RAD21L1: variants seen among roughly 807,000 people sequenced by gnomAD.
The protein encoded by RAD21L1 is double-strand-break repair protein rad21-like protein 1.
Under a neutral mutation model 69.0 loss-of-function variants are expected in RAD21L1, and 47 were observed. The ratio of observed to expected loss-of-function variants is 0.68; its 90% CI spans 0.54 to 0.87. The LOEUF is 0.87. RAD21L1 is among the 40% of genes least tolerant of loss of function. RAD21L1 has a pLI of 0.00. For synonymous variants in RAD21L1, 177 were observed against 205.8 expected, an observed-to-expected ratio of 0.86 and a Z score of 1.20; for missense variants, 583 against 647.6, an observed-to-expected ratio of 0.90 and a Z score of 1.08.
At chr20:1,252,845 T>C (rs1297612661) in intron 13 of RAD21L1, among the ~76,000 whole-genome samples, 1 of 152,238 alleles carries the variant, frequency 6.6e-6, no homozygotes, top group African/African-American at 2.4e-5. Flanking sequence ...GTCTCTACTC[T>C]ACTAAGTCAG....
chr20:1,242,556 G>A, intron 8 of RAD21L1, 63 bp from the exon 9 acceptor site: 2 of 1,250,808 alleles, frequency 1.6e-6, no homozygotes, highest in Non-Finnish European at 2.3e-6. Context: ...AGTATTTAGT[G>A]CCTACAATAT....
chr20:1,254,291 A>G lies in RAD21L1; in HGVS notation c.1502A>G (p.Gln501Arg), dbSNP rs1383167624. ...RLRESNKMGM[Q>R]SFSLMKLCRN... ...CAGGAATCTAACAAGATGGGAATGCAGTCCTTTAGTCTGATGAAGCTCTGT... is the reference window on the plus strand; with the variant it reads ...CAGGAATCTAACAAGATGGGAATGCGGTCCTTTAGTCTGATGAAGCTCTGT... Residue 501 changes from glutamine to arginine, a missense_variant, in exon 14 of 14, where the codon CAG (glutamine) becomes CGG (arginine). Physicochemically the swap from Gln to Arg is conservative, Grantham distance 43. Coordinates refer to ENST00000683101, the MANE Select transcript of RAD21L1 (RefSeq NM_001384355.1). 2 of 1,528,072 alleles carry G rather than the reference A, an allele frequency of 1.3e-6. No homozygotes were observed. Among genetic ancestry groups the G allele is most frequent in the African/African-American group, 1.4e-5 (1 of 72,308 alleles). 94.7% of individuals were successfully genotyped at this position (1,528,072 alleles called of 1,614,324 possible). A position where few individuals can be genotyped will look rare whatever the true frequency, so the allele number is the denominator to read the frequency against.
At chr20:1,240,044 C>T (rs1300483223) in intron 7 of RAD21L1, among the ~76,000 whole-genome samples, 4 of 152,074 alleles carry the variant, frequency 2.6e-5, no homozygotes, top group Non-Finnish European at 5.9e-5. Context: ...GTTGCTGCCA[C>T]TGTTTTCACA....
At chr20:1,241,857 C>T (rs1161473372) in intron 8 of RAD21L1, among the ~76,000 whole-genome samples, 9 of 152,226 alleles carry the variant, frequency 5.9e-5, no homozygotes, top group Non-Finnish European at 8.8e-5. Context: ...TCCCCTTTTA[C>T]AGCTTTACTA....
Position 1,226,093 on chromosome 20 carries a change from C to A in RAD21L1, c.-80C>A, listed in dbSNP as rs897274078. ...CCCGGCCAAGCTGACTTGGCGACTC[C>A]TCGCAGCCCCTGCTCTGGCACGCCA... On this transcript the variant is annotated 5_prime_UTR_variant, in exon 1 of 14. Transcript: ENST00000683101. 7 of 136,680 alleles carry A rather than the reference C, an allele frequency of 5.1e-5. No homozygotes were observed. Among genetic ancestry groups the A allele is most frequent in the Non-Finnish European group, 1.1e-4 (7 of 64,132 alleles). 8.5% of individuals were successfully genotyped at this position (136,680 alleles called of 1,614,324 possible).
chr20:1,237,745 A>G (rs1378569853), intron 5 of RAD21L1, among the ~76,000 whole-genome samples: 2 of 152,204 alleles, frequency 1.3e-5, no homozygotes, highest in African/African-American at 4.8e-5. Flanking sequence ...AAAATAGAAT[A>G]AATTATTTTC....
At position 1,254,298 on chromosome 20, in the gene RAD21L1, T is replaced by G. The variant is rs2087893083; in HGVS notation, c.1509T>G (p.Phe503Leu). 2 of 1,548,720 alleles carry G rather than the reference T, an allele frequency of 1.3e-6. No homozygotes were observed. The highest frequency in any genetic ancestry group is 1.7e-6 in the Non-Finnish European group (2 of 1,145,474). ...RESNKMGMQS[F>L]SLMKLCRNSD... is the part of the protein sequence containing the mutation. ...CTAACAAGATGGGAATGCAGTCCTT[T>G]AGTCTGATGAAGCTCTGTAGAAATA... Residue 503 changes from phenylalanine to leucine, a missense_variant, in exon 14 of 14, where the codon TTT becomes TTG. Transcript: ENST00000683101.
intron 1 of RAD21L1, among the ~76,000 whole-genome samples, 182 bp from the exon 2 acceptor site, chr20:1,228,240 T>G (rs1175860806): frequency 6.6e-6 from 1 of 152,244 alleles, no homozygotes; most frequent in Non-Finnish European, 1.5e-5. Flanking sequence ...TAGAGCTTTG[T>G]CATTAGGTTA....
rs1447532799 is a variant in RAD21L1, at chr20:1,254,330, G to A, written c.1541G>A (p.Arg514Gln). The change falls in exon 14 of 14, where the codon CGA becomes CAA. Residue 514 changes from arginine (R) to glutamine (Q), a missense_variant. Coordinates refer to ENST00000683101, the MANE Select transcript of RAD21L1 (RefSeq NM_001384355.1). ...ATGAAGCTCTGTAGAAATAGTGACC[G>A]AAAACAAGCAGCTGCCAAATTTTAT... Reference protein sequence around the residue: ...SLMKLCRNSDRKQAAAKFYSF... With the variant: ...SLMKLCRNSDQKQAAAKFYSF... The A allele has an allele frequency of 3.9e-6, 6 of 1,551,042 alleles. No individual in the cohort carries two copies. Among genetic ancestry groups the A allele is most frequent in the Admixed American group, 3.9e-5 (2 of 50,952 alleles).
At chr20:1,233,122 T>C (rs1423883580) in intron 4 of RAD21L1, among the ~76,000 whole-genome samples, 1 of 152,184 alleles carries the variant, frequency 6.6e-6, no homozygotes, top group East Asian at 1.9e-4. Flanking sequence ...AGTTACCCAA[T>C]CTAAGTTATT....
In RAD21L1 at chr20:1,254,259, A is replaced by G; in HGVS notation, c.1480-10A>G. On this transcript the variant is annotated splice_polypyrimidine_tract_variant and intron_variant, in intron 13 of 13. Transcript: ENST00000683101. ...CCCATTTCTTTTTTCTTTTCTAATT[A>G]TTTTCCCAGGAATCTAACAAGATGG... The G allele has an allele frequency of 6.9e-7, 1 of 1,452,922 alleles. No individual in the cohort carries two copies. The highest frequency in any genetic ancestry group is 1.4e-5 in the South Asian group (1 of 70,388). 90.0% of individuals were successfully genotyped at this position (1,452,922 alleles called of 1,614,324 possible). A position where few individuals can be genotyped will look rare whatever the true frequency, so the allele number is the denominator to read the frequency against.
At chr20:1,230,650 C>T (rs2087370255) in intron 3 of RAD21L1, 1 of 335,840 alleles carries the variant, frequency 3.0e-6, no homozygotes, top group Admixed American at 6.5e-5. Flanking sequence ...CTTATAATAT[C>T]TGTCTCAGTG....
Position 1,228,518 on chromosome 20 carries a change from A to T in RAD21L1, c.65A>T (p.His22Leu). The T allele has an allele frequency of 6.4e-7, 1 of 1,550,492 alleles. No homozygotes were observed. Among genetic ancestry groups the T allele is most frequent in the Non-Finnish European group, 8.7e-7 (1 of 1,146,232 alleles). The stretch of plus-strand genomic sequence containing the variant: ...TTGGCCAAAATATGGCTTGCAGCTC[A>T]CTGGGAGAAGAAACTCACAAAGGCC... ...GPLAKIWLAAHWEKKLTKAHV... is the reference protein window; with the variant it reads ...GPLAKIWLAALWEKKLTKAHV... The change falls in exon 2 of 14, where the codon CAC becomes CTC. Residue 22 changes from histidine to leucine, a missense_variant. His to Leu is a moderately conservative substitution (Grantham distance 99). Coordinates refer to ENST00000683101, the MANE Select transcript of RAD21L1 (RefSeq NM_001384355.1).
At chr20:1,229,844 T>C (rs1333645335) in intron 2 of RAD21L1, 36 bp from the exon 3 acceptor site, 1 of 1,460,004 alleles carries the variant, frequency 6.8e-7, no homozygotes, top group Non-Finnish European at 9.3e-7. Flanking sequence ...ATGAACCTAA[T>C]CTTTACTCTT....
Position 1,248,635 on chromosome 20 carries a change from A to G in RAD21L1, c.1411A>G (p.Ser471Gly). 6.6e-7 allele frequency: 1 copy of G among 1,522,386 alleles called. No homozygotes were observed. Among genetic ancestry groups the G allele is most frequent in the Non-Finnish European group, 8.9e-7 (1 of 1,125,280 alleles). 94.3% of individuals were successfully genotyped at this position (1,522,386 alleles called of 1,614,324 possible). A position where few individuals can be genotyped will look rare whatever the true frequency, so the allele number is the denominator to read the frequency against. Reference sequence around the variant, plus strand: ...TCTATCATTCAAACAGGAGTCATTGAGCAATGAAGAAAATATTGAGACAGA... The same window carrying G: ...TCTATCATTCAAACAGGAGTCATTGGGCAATGAAGAAAATATTGAGACAGA... ...EYSPVELESL[S>G]NEENIETERW... The change falls in exon 13 of 14, where the codon AGC (serine) becomes GGC (glycine). Residue 471 changes from serine to glycine, a missense_variant. Coordinates refer to ENST00000683101, the MANE Select transcript of RAD21L1 (RefSeq NM_001384355.1).
chr20:1,227,559 A>G (rs941095764), intron 1 of RAD21L1, among the ~76,000 whole-genome samples: 4 of 152,242 alleles, frequency 2.6e-5, no homozygotes, highest in Admixed American at 6.5e-5. Context: ...AAGCTTCCAT[A>G]GTGGCAGTGT....
chr20:1,254,481 A>G lies in RAD21L1; in HGVS notation c.*24A>G. On this transcript the variant is annotated 3_prime_UTR_variant, in exon 14 of 14. Transcript: ENST00000683101. ...GAAGGAAACCCAGACATACAGATTTATGGCATCACTGGAATTTCTGTGTAG... is the reference window on the plus strand; with the variant it reads ...GAAGGAAACCCAGACATACAGATTTGTGGCATCACTGGAATTTCTGTGTAG... 1 of 1,437,814 alleles carries G rather than the reference A, an allele frequency of 7.0e-7. No homozygotes were observed. The highest frequency in any genetic ancestry group is 9.3e-7 in the Non-Finnish European group (1 of 1,075,808). The allele number at this position is 1,437,814 out of a possible 1,614,324, so 89.1% of individuals were successfully genotyped here.
intron 3 of RAD21L1, among the ~76,000 whole-genome samples, chr20:1,231,212 A>G (rs1278553500): frequency 6.6e-6 from 1 of 152,222 alleles, no homozygotes; most frequent in Non-Finnish European, 1.5e-5. Flanking sequence ...AAAGGCTAGT[A>G]TGGTCAGTAT....
chr20:1,226,589 G>C (rs1055803741), intron 1 of RAD21L1, among the ~76,000 whole-genome samples: 1 of 151,890 alleles, frequency 6.6e-6, no homozygotes, highest in Non-Finnish European at 1.5e-5. Flanking sequence ...TCCCCGCCCG[G>C]TCCCCTTCCG....
Sources: gnomAD v4.1 joint callset for allele counts (sites outside exome capture counted in the v4.1 genomes callset) on GRCh38, gnomAD v4.1.1 for gene constraint, MANE v1.5 for transcripts, NCBI Gene and HGNC (gene_info 2026-07-23, HGNC 2026-07-21) for gene names.